MOCOS: variants seen among roughly 807,000 people sequenced by gnomAD.
The protein encoded by MOCOS is human molybdenum cofactor sulfurase.
Under a neutral mutation model 83.6 loss-of-function variants are expected in MOCOS, and 86 were observed. The observed-to-expected ratio is 1.03, with a 90% CI of 0.86 to 1.23. The LOEUF is 1.23. Ranked by LOEUF, MOCOS falls within the 50% of genes most tolerant of loss-of-function variation. MOCOS has a pLI of 0.00. For synonymous variants in MOCOS, 445 were observed against 434.7 expected, an observed-to-expected ratio of 1.02 and a Z score of -0.29; for missense variants, 1,120 against 1,126.9, an observed-to-expected ratio of 0.99 and a Z score of 0.09.
intron 8 of MOCOS, among the ~76,000 whole-genome samples, chr18:36,218,515 G>A (rs952256795): frequency 6.6e-6 from 1 of 151,906 alleles, no homozygotes; most frequent in African/African-American, 2.4e-5. Flanking sequence ...TTATTCATTT[G>A]CTTATTATTA....
At chr18:36,194,850 G>A (rs563884021) in intron 1 of MOCOS, among the ~76,000 whole-genome samples, 2 of 152,370 alleles carry the variant, frequency 1.3e-5, no homozygotes, top group African/African-American at 4.8e-5. Flanking sequence ...CTGCATTAGT[G>A]TTGAGGGGTG....
At chr18:36,199,588 T>C in intron 3 of MOCOS, 95 bp from the exon 4 acceptor site, 3 of 1,568,510 alleles carry the variant, frequency 1.9e-6, no homozygotes, top group East Asian at 2.2e-5. Context: ...TCCATTAAGG[T>C]AGAGATGTCA....
intron 11 of MOCOS, 145 bp from the exon 12 acceptor site, chr18:36,256,823 G>A: frequency 1.3e-6 from 1 of 752,774 alleles, no homozygotes; most frequent in Non-Finnish European, 2.4e-6. Flanking sequence ...ACCATGCTTA[G>A]GACATTTTTA....
In MOCOS at chr18:36,199,760, T is replaced by C; in HGVS notation, c.377T>C (p.Leu126Pro). ...FTAGSTAALK[L>P]VAEAFPWVSQ... ...GCCGGGAGCACGGCTGCTCTCAAAC[T>C]GGTGGCAGAGGCCTTTCCATGGGTG... The change falls in exon 4 of 15, where the codon CTG becomes CCG. Residue 126 changes from leucine (L) to proline (P), a missense_variant. Leu to Pro is a moderately conservative substitution (Grantham distance 98, BLOSUM62 -3). Transcript: ENST00000261326. The C allele has an allele frequency of 6.2e-7, 1 of 1,614,090 alleles. No individual in the cohort carries two copies. Among genetic ancestry groups the C allele is most frequent in the Non-Finnish European group, 8.5e-7 (1 of 1,180,026 alleles).
intron 9 of MOCOS, among the ~76,000 whole-genome samples, chr18:36,247,815 G>A (rs551531676): frequency 6.6e-6 from 1 of 152,298 alleles, no homozygotes; most frequent in African/African-American, 2.4e-5. Flanking sequence ...CAGTTTTCCT[G>A]ATATGTTCCT....
chr18:36,206,608 A>C (rs2091435792), intron 6 of MOCOS, among the ~76,000 whole-genome samples: 1 of 152,090 alleles, frequency 6.6e-6, no homozygotes, highest in South Asian at 2.1e-4. Context: ...TGGGTACCTG[A>C]AAGGTAGTTT....
In MOCOS at chr18:36,243,019, A is replaced by AT. The variant is rs1024670709; in HGVS notation, c.1961-5894dup. On this transcript the variant is annotated intron_variant, in intron 9 of 14. Transcript: ENST00000261326. ...GTTAGGTATATTGCTAAGTATTTTA[A>AT]TTTTTTTTTGCAGCTGTGGTAAAAG... Among the ~76,000 whole-genome samples the AT allele has an allele frequency of 2.9e-3, 432 of 151,194 alleles. 4 individuals are homozygous for AT. Among genetic ancestry groups the AT allele is most frequent in the African/African-American group, 9.8e-3 (405 of 41,256 alleles).
At chr18:36,213,611 A>G in intron 7 of MOCOS, 129 bp downstream of exon 7, 1 of 793,264 alleles carries the variant, frequency 1.3e-6, no homozygotes, top group South Asian at 1.4e-5. Context: ...TGCATGTACA[A>G]AGGAAAAGGA....
chr18:36,234,759 G>A (rs1229328221), intron 9 of MOCOS, among the ~76,000 whole-genome samples: 1 of 152,130 alleles, frequency 6.6e-6, no homozygotes, highest in African/African-American at 2.4e-5. Flanking sequence ...AGGTTCAATT[G>A]ACTCACAGTT....
intron 12 of MOCOS, among the ~76,000 whole-genome samples, chr18:36,258,888 G>A (rs2091652179): frequency 6.6e-6 from 1 of 152,118 alleles, no homozygotes; most frequent in East Asian, 1.9e-4. Context: ...CCTAGATCAA[G>A]CTAAGAATGT....
chr18:36,239,635 A>G (rs368383357), intron 9 of MOCOS, among the ~76,000 whole-genome samples: 6 of 146,690 alleles, frequency 4.1e-5, no homozygotes, highest in African/African-American at 1.3e-4. Context: ...TTCTCGAGGA[A>G]TATCTTTGTG....
At chr18:36,228,795 T>C (rs530751583) in intron 9 of MOCOS, among the ~76,000 whole-genome samples, 6 of 148,862 alleles carry the variant, frequency 4.0e-5, no homozygotes, top group Admixed American at 1.3e-4. Context: ...CAAGTTTACC[T>C]ATGTAATAAA....
chr18:36,255,876 T>C (rs950420496), intron 11 of MOCOS, among the ~76,000 whole-genome samples: 10 of 137,592 alleles, frequency 7.3e-5, no homozygotes, highest in African/African-American at 2.5e-4. Context: ...TTCGTCCCCC[T>C]TTTAGTAGTT....
intron 1 of MOCOS, 76 bp from the exon 2 acceptor site, chr18:36,195,181 A>G (rs1362989536): frequency 3.3e-6 from 4 of 1,211,778 alleles, no homozygotes; most frequent in East Asian, 4.6e-5. Flanking sequence ...GTCTGCATGC[A>G]TTAGATGACA....
At position 36,200,149 on chromosome 18, in the gene MOCOS, G is replaced by T; in HGVS notation, c.766G>T (p.Asp256Tyr). Residue 256 changes from aspartate to tyrosine, a missense_variant, in exon 4 of 15, where the codon GAC (aspartate) becomes TAC (tyrosine). Coordinates refer to ENST00000261326, the MANE Select transcript of MOCOS (RefSeq NM_017947.4). ...TTTGGACCTGTCAGCTCACCAGGCCGACTTTGTCCCCATCTCCTTCTATAA... is the reference window on the plus strand; with the variant it reads ...TTTGGACCTGTCAGCTCACCAGGCCTACTTTGTCCCCATCTCCTTCTATAA... ...SPLDLSAHQA[D>Y]FVPISFYKIF... 6.2e-7 allele frequency: 1 copy of T among 1,614,204 alleles called. No individual in the cohort carries two copies. Among genetic ancestry groups the T allele is most frequent in the Non-Finnish European group, 8.5e-7 (1 of 1,180,042 alleles).
chr18:36,198,692 A>T lies in MOCOS; in HGVS notation c.235A>T (p.Asn79Tyr). Residue 79 changes from asparagine to tyrosine, a missense_variant and splice_region_variant, in exon 3 of 15, where the codon AAT becomes TAT. Asn to Tyr is a moderately radical substitution (Grantham distance 143, BLOSUM62 -2). Coordinates refer to ENST00000261326, the MANE Select transcript of MOCOS (RefSeq NM_017947.4). The part of the protein sequence containing the change: ...TSDLMENTYG[N>Y]PHSQNISSKL... ...GCCTTGTCTTTGTAACCTGCCAGGT[A>T]ATCCTCACAGCCAGAACATCAGCAG... 6.2e-7 allele frequency: 1 copy of T among 1,614,218 alleles called. No homozygotes were observed. The highest frequency in any genetic ancestry group is 8.5e-7 in the Non-Finnish European group (1 of 1,180,020).
intron 4 of MOCOS, among the ~76,000 whole-genome samples, chr18:36,200,831 G>GC (rs2091411050): frequency 1.3e-5 from 2 of 152,204 alleles, no homozygotes; most frequent in Admixed American, 6.5e-5. Flanking sequence ...TAAAGCAGAG[G>GC]CCCCCAGACT....
At position 36,195,296 on chromosome 18, in the gene MOCOS, C is replaced by G. The variant is rs969422771; in HGVS notation, c.182C>G (p.Ser61Cys). 1 of 1,614,166 alleles carries G rather than the reference C, an allele frequency of 6.2e-7. No individual in the cohort carries two copies. Among genetic ancestry groups the G allele is most frequent in the African/African-American group, 1.3e-5 (1 of 75,044 alleles). ...GACCATGCAGGTGCCACCTTGTTCT[C>G]CCAGAGCCAGCTCGAAAGCTTCACT... The part of the protein sequence containing the change: ...YLDHAGATLF[S>C]QSQLESFTSD... Residue 61 changes from serine to cysteine, a missense_variant, in exon 2 of 15, where the codon TCC becomes TGC. Coordinates refer to ENST00000261326, the MANE Select transcript of MOCOS (RefSeq NM_017947.4).
chr18:36,187,928 C>T (rs1338143824), intron 1 of MOCOS, among the ~76,000 whole-genome samples: 1 of 152,254 alleles, frequency 6.6e-6, no homozygotes, highest in Non-Finnish European at 1.5e-5. Context: ...CCGTCTTCCC[C>T]TTTTCCCGCC....
Sources: allele counts gnomAD v4.1 joint callset (sites outside exome capture counted in the v4.1 genomes callset), GRCh38; gene constraint gnomAD v4.1.1; transcripts MANE v1.5; gene names NCBI Gene and HGNC (gene_info 2026-07-23, HGNC 2026-07-21).